CDH12: variants seen among roughly 807,000 people sequenced by gnomAD.
CDH12 encodes cadherin-12.
CDH12 carries 41 observed loss-of-function variants against 74.1 expected under a neutral mutation model. That is an observed-to-expected ratio of 0.55 (90% CI 0.43 to 0.72). The LOEUF (loss-of-function observed/expected upper bound fraction) is 0.72. CDH12 is among the 30% of genes least tolerant of loss of function. The pLI, the probability that CDH12 is intolerant of heterozygous loss-of-function variation, is 0.00. For missense variants in CDH12, 945 were observed against 977.2 expected, an observed-to-expected ratio of 0.97 and a Z score of 0.44; for synonymous variants, 399 against 355.0, an observed-to-expected ratio of 1.12 and a Z score of -1.39.
chr5:22,011,667 C>A (rs1470865331), intron 5 of CDH12, among the ~76,000 whole-genome samples: 2 of 152,040 alleles, frequency 1.3e-5, no homozygotes, highest in Non-Finnish European at 2.9e-5. Context: ...ATTTTTCTTT[C>A]ATTTTGATGT....
intron 3 of CDH12, among the ~76,000 whole-genome samples, chr5:22,343,799 A>G (rs1339142357): frequency 6.6e-6 from 1 of 152,214 alleles, no homozygotes; most frequent in African/African-American, 2.4e-5. Flanking sequence ...CACTGTGGTT[A>G]TATTTGACAG....
At chr5:22,155,886 T>C (rs1447207905) in intron 4 of CDH12, among the ~76,000 whole-genome samples, 2 of 151,978 alleles carry the variant, frequency 1.3e-5, no homozygotes, top group African/African-American at 4.8e-5. Flanking sequence ...CATTCTGCCT[T>C]ATGGCCATTT....
chr5:22,460,713 ATTTTTTT>A (rs3039460), intron 2 of CDH12, among the ~76,000 whole-genome samples: 5 of 85,610 alleles, frequency 5.8e-5, no homozygotes, highest in Admixed American at 1.8e-4. Context: ...ATATCTAGCA[ATTTTTTT>A]TTTTTTTTTT....
intron 6 of CDH12, among the ~76,000 whole-genome samples, chr5:21,960,724 T>TAC (rs954842771): frequency 1.3e-5 from 2 of 151,818 alleles, no homozygotes; most frequent in Non-Finnish European, 2.9e-5. Flanking sequence ...CACACGCACA[T>TAC]ACACACACAC....
At position 22,098,816 on chromosome 5, in the gene CDH12, T is replaced by G. The variant is rs1342481083; in HGVS notation, c.-186-19954A>C. On this transcript the variant is annotated intron_variant, in intron 4 of 14. Transcript: ENST00000382254. ...CCTGTTCCTCACCCTGATTATGGCTTGATTTATTGATAGCAGTTCCACCAG... is the reference window on the plus strand; with the variant it reads ...CCTGTTCCTCACCCTGATTATGGCTGGATTTATTGATAGCAGTTCCACCAG... Among the ~76,000 whole-genome samples, 14 of 152,278 alleles carry G rather than the reference T, an allele frequency of 9.2e-5. No individual in the cohort carries two copies. In the South Asian group the frequency reaches 2.9e-3, roughly 32 times the overall value.
intron 9 of CDH12, among the ~76,000 whole-genome samples, 173 bp from the exon 10 acceptor site, chr5:21,802,593 C>CTTTT (rs35742047): frequency 0.48 from 57,448 of 119,784 alleles, 17,424 homozygotes; most frequent in Non-Finnish European, 0.63. Context: ...ATTTTTTTTT[C>CTTTT]TTTTTTTTTT....
At position 21,812,450 on chromosome 5, in the gene CDH12, A is replaced by C. The variant is rs140130861; in HGVS notation, c.1002+4495T>G. 2.8e-3 allele frequency among the ~76,000 whole-genome samples: 420 copies of C among 152,228 alleles called. 1 individual carries two copies. The highest frequency in any genetic ancestry group is 9.9e-3 in the African/African-American group (410 of 41,566). On this transcript the variant is annotated intron_variant, in intron 9 of 14. Coordinates refer to ENST00000382254, the MANE Select transcript of CDH12 (RefSeq NM_004061.5). ...GATGTTTACATACACAGTTATTGAG[A>C]TACACCTAATTCTTTAAGGATTCCT...
At chr5:22,415,810 A>C (rs1311303521) in intron 2 of CDH12, among the ~76,000 whole-genome samples, 1 of 152,130 alleles carries the variant, frequency 6.6e-6, no homozygotes, top group Non-Finnish European at 1.5e-5. Flanking sequence ...AATATCCTAA[A>C]ACATTTGGCA....
At chr5:22,487,228 C>T (rs2940566) in intron 2 of CDH12, among the ~76,000 whole-genome samples, 141,478 of 151,772 alleles carry the variant, frequency 0.93, 66,046 homozygotes, top group Admixed American at 0.97. Context: ...TTTCGAACTC[C>T]TGACCTCAGG....
chr5:22,077,895 T>C (rs1742441109), intron 5 of CDH12, among the ~76,000 whole-genome samples: 1 of 152,124 alleles, frequency 6.6e-6, no homozygotes, highest in Non-Finnish European at 1.5e-5. Context: ...TGAAAATATA[T>C]AAATTATTTA....
intron 6 of CDH12, among the ~76,000 whole-genome samples, chr5:21,913,812 G>A (rs1304742780): frequency 6.6e-6 from 1 of 151,866 alleles, no homozygotes; most frequent in Non-Finnish European, 1.5e-5. Context: ...AGTAGTCCCT[G>A]TAGTGGGACT....
chr5:22,815,769 C>CA (rs34135797), intron 1 of CDH12, among the ~76,000 whole-genome samples: 36,806 of 96,200 alleles, frequency 0.38, 6,388 homozygotes, highest in Non-Finnish European at 0.45. Flanking sequence ...GACTCCGTCT[C>CA]AAAAAAAAAA....
intron 1 of CDH12, among the ~76,000 whole-genome samples, chr5:22,681,181 C>T (rs1022919389): frequency 6.6e-6 from 1 of 150,478 alleles, no homozygotes; most frequent in African/African-American, 2.5e-5. Flanking sequence ...CGTTTTTGTA[C>T]AGCAATAACT....
intron 2 of CDH12, among the ~76,000 whole-genome samples, chr5:22,413,228 G>A (rs1743234442): frequency 6.6e-6 from 1 of 151,908 alleles, no homozygotes; most frequent in Admixed American, 6.6e-5. Context: ...GCTATGTGAG[G>A]GAAAGACCAT....
chr5:22,771,901 C>T (rs1246236704), intron 1 of CDH12, among the ~76,000 whole-genome samples: 7 of 151,996 alleles, frequency 4.6e-5, no homozygotes, highest in Non-Finnish European at 1.0e-4. Context: ...TAAAACCTCT[C>T]TTTGTGTATA....
intron 3 of CDH12, among the ~76,000 whole-genome samples, chr5:22,359,619 G>T (rs544573816): frequency 6.6e-6 from 1 of 152,122 alleles, no homozygotes; most frequent in Non-Finnish European, 1.5e-5. Flanking sequence ...CAAATCAAGA[G>T]AATAAACATT....
At chr5:22,286,077 T>C (rs1237687268) in intron 3 of CDH12, among the ~76,000 whole-genome samples, 1 of 152,206 alleles carries the variant, frequency 6.6e-6, no homozygotes, top group Non-Finnish European at 1.5e-5. Context: ...AGTTTTAATA[T>C]ACTTTGATAG....
chr5:22,389,084 T>C (rs2126411375), intron 3 of CDH12, among the ~76,000 whole-genome samples: 1 of 152,330 alleles, frequency 6.6e-6, no homozygotes, highest in South Asian at 2.1e-4. Flanking sequence ...CTGAGATTAC[T>C]GTAAGCTCTA....
At chr5:22,273,151 G>A (rs1037914502) in intron 3 of CDH12, among the ~76,000 whole-genome samples, 9 of 152,144 alleles carry the variant, frequency 5.9e-5, no homozygotes, top group African/African-American at 2.2e-4. Context: ...TGGGGACACA[G>A]AGTCAGACCA....
Sources: allele counts gnomAD v4.1 joint callset (sites outside exome capture counted in the v4.1 genomes callset), GRCh38; gene constraint gnomAD v4.1.1; transcripts MANE v1.5; gene names NCBI Gene and HGNC (gene_info 2026-07-23, HGNC 2026-07-21).